The following HOXA2 variants were observed in gnomAD, a reference collection of about 807,000 sequenced individuals.
HOXA2 encodes the protein homeobox A2.
Under a neutral mutation model 27.2 loss-of-function variants are expected in HOXA2, and 4 were observed. That is an observed-to-expected ratio of 0.15 (90% CI 0.07 to 0.34). The LOEUF (loss-of-function observed/expected upper bound fraction) is 0.34. Among genes scored for constraint, HOXA2 ranks in the 10% least tolerant of loss-of-function variants. The probability of loss-of-function intolerance (pLI) is 1.00; values close to 1 mark genes in which losing one functional copy is unlikely to be tolerated. For synonymous variants in HOXA2, 200 were observed against 202.8 expected (o/e 0.99, Z 0.12); for missense variants, 430 against 473.2 (o/e 0.91, Z 0.85).
Position 27,100,632 on chromosome 7 carries a change from A to G in HOXA2, c.*94T>C. On this transcript the variant is annotated 3_prime_UTR_variant, in exon 2 of 2. Coordinates refer to ENST00000222718, the MANE Select transcript of HOXA2 (RefSeq NM_006735.4). ...AAAGGAGGGAAGGGGTAGGTCAAGAAGAAAATAAAAAATAAACTCCCAAAT... is the reference window on the plus strand; with the variant it reads ...AAAGGAGGGAAGGGGTAGGTCAAGAGGAAAATAAAAAATAAACTCCCAAAT... 7.1e-7 allele frequency: 1 copy of G among 1,403,142 alleles called. No individual in the cohort carries two copies. The highest frequency in any genetic ancestry group is 1.0e-6 in the Non-Finnish European group (1 of 995,422). 86.9% of individuals were successfully genotyped at this position (1,403,142 alleles called of 1,614,324 possible). A position where few individuals can be genotyped will look rare whatever the true frequency, so the allele number is the denominator to read the frequency against.
Position 27,100,687 on chromosome 7 carries a change from A to T in HOXA2, c.*39T>A. 6.2e-7 allele frequency: 1 copy of T among 1,611,590 alleles called. No homozygotes were observed. Among genetic ancestry groups the T allele is most frequent in the Non-Finnish European group, 8.5e-7 (1 of 1,178,182 alleles). On this transcript the variant is annotated 3_prime_UTR_variant, in exon 2 of 2. Coordinates refer to ENST00000222718, the MANE Select transcript of HOXA2 (RefSeq NM_006735.4). ...GAAGGCAAAACCACCTGGTCAAAGG[A>T]GTTTTTGTTTGGTGATGCTTTGTTT...
In HOXA2 at chr7:27,100,869, T is replaced by C. The variant is rs745712033; in HGVS notation, c.988A>G (p.Thr330Ala). ...PSLQDFSVFSTDSCLQLSDAV... is the reference protein window; with the variant it reads ...PSLQDFSVFSADSCLQLSDAV... ...TCTGAAAGCTGCAGGCAGGAATCTG[T>C]GGAGAAAACGCTAAAGTCCTGCAAA... The change falls in exon 2 of 2, where the codon ACA becomes GCA. Residue 330 changes from threonine (T) to alanine (A), a missense_variant. Thr to Ala is a moderately conservative substitution (Grantham distance 58). Transcript: ENST00000222718. 22 of 1,614,106 alleles carry C rather than the reference T, an allele frequency of 1.4e-5. No individual in the cohort carries two copies. The highest frequency in any genetic ancestry group is 1.8e-5 in the Non-Finnish European group (21 of 1,180,050).
Position 27,102,676 on chromosome 7 carries a change from A to C in HOXA2, c.-176T>G. 1.6e-6 allele frequency: 1 copy of C among 611,676 alleles called. No individual in the cohort carries two copies. Among genetic ancestry groups the C allele is most frequent in the South Asian group, 1.9e-5 (1 of 51,808 alleles). 37.9% of individuals were successfully genotyped at this position (611,676 alleles called of 1,614,324 possible). A position where few individuals can be genotyped will look rare whatever the true frequency, so the allele number is the denominator to read the frequency against. On this transcript the variant is annotated 5_prime_UTR_variant, in exon 1 of 2. Transcript: ENST00000222718. The surrounding 1 kb of genome is among the most constrained non-coding windows in gnomAD (Gnocchi z 4.6). Reference sequence around the variant, plus strand: ...ACAGCCGTATGGGGACCGCGCTACTATTAAACTATTGAATTCATGGAGACA... The same window carrying C: ...ACAGCCGTATGGGGACCGCGCTACTCTTAAACTATTGAATTCATGGAGACA...
In HOXA2 at chr7:27,102,607, A is replaced by T; in HGVS notation, c.-107T>A. The stretch of plus-strand genomic sequence containing the variant: ...GAGCGCAGAGGAAAAAAAATCTATC[A>T]TAGAATATCGCTGCTAGGGTGTTTT... On this transcript the variant is annotated 5_prime_UTR_variant, in exon 1 of 2. An upstream start codon of the reference 5' UTR is lost. Coordinates refer to ENST00000222718, the MANE Select transcript of HOXA2 (RefSeq NM_006735.4). This position sits in a 1 kb window ranked among gnomAD's most constrained non-coding sequence, Gnocchi z 4.6. 9.3e-7 allele frequency: 1 copy of T among 1,080,100 alleles called. No homozygotes were observed. The highest frequency in any genetic ancestry group is 1.4e-6 in the Non-Finnish European group (1 of 721,900). The allele number at this position is 1,080,100 out of a possible 1,614,324, so 66.9% of individuals were successfully genotyped here. A position where few individuals can be genotyped will look rare whatever the true frequency, so the allele number is the denominator to read the frequency against.
Position 27,102,414 on chromosome 7 carries a change from A to G in HOXA2, c.87T>C (p.Ala29=), listed in dbSNP as rs1327293289. Residue 29 remains alanine (A), a synonymous_variant, in exon 1 of 2, where the codon GCT becomes GCC. Transcript: ENST00000222718. The surrounding 1 kb of genome is among the most constrained non-coding windows in gnomAD (Gnocchi z 4.6). ...AECLTSFPPV[A]DTFQSSSIKT... is the part of the protein sequence containing the mutation. ...TGATTGATGAACTTTGAAATGTATC[A>G]GCGACAGGGGGAAAAGATGTCAGGC... 6.2e-7 allele frequency: 1 copy of G among 1,614,152 alleles called. No individual in the cohort carries two copies.
rs748552806 is a variant in HOXA2, at chr7:27,102,149, TGGCGGC to T, written c.346_351del (p.Ala116_Ala117del). ...CAAGCAGGGCCGGTGGCTGCGGCGG[TGGCGGC>T]GGCGGCGGCGGCCGGCAGAAGTGCG... On this transcript the variant is annotated inframe_deletion, in exon 1 of 2. Coordinates refer to ENST00000222718, the MANE Select transcript of HOXA2 (RefSeq NM_006735.4). This position sits in a 1 kb window ranked among gnomAD's most constrained non-coding sequence, Gnocchi z 4.6. The T allele has an allele frequency of 7.5e-6, 12 of 1,590,732 alleles. No homozygotes were observed. Among genetic ancestry groups the T allele is most frequent in the African/African-American group, 5.4e-5 (4 of 74,512 alleles).
In HOXA2 at chr7:27,102,324, C is replaced by T; in HGVS notation, c.177G>A (p.Leu59=). 6.2e-7 allele frequency: 1 copy of T among 1,613,646 alleles called. No homozygotes were observed. Among genetic ancestry groups the T allele is most frequent in the Middle Eastern group, 1.7e-4 (1 of 6,052 alleles). Residue 59 remains leucine, a synonymous_variant, in exon 1 of 2, where the codon CTG becomes CTA. Transcript: ENST00000222718. This position sits in a 1 kb window ranked among gnomAD's most constrained non-coding sequence, Gnocchi z 4.6. ...PPPFEQTIPS[L]NPGSHPRHGA... ...CGTGGCGAGGGTGACTGCCGGGGTT[C>T]AGGCTGGGAATGGTCTGCTCAAAAG...
rs1242700084 is a variant in HOXA2, at chr7:27,100,912, C to T, written c.945G>A (p.Glu315=). 3 of 1,614,102 alleles carry T rather than the reference C, an allele frequency of 1.9e-6. No homozygotes were observed. Among genetic ancestry groups the T allele is most frequent in the Admixed American group, 1.7e-5 (1 of 60,012 alleles). The change falls in exon 2 of 2, where the codon GAG becomes GAA. Residue 315 remains glutamate (E), a synonymous_variant. Transcript: ENST00000222718. ...CCTGCAAAGAGGGGACCTCAAGGGC[C>T]TCAGGACTGTCATTGTTTAGGCCAG... ...CGAGLNNDSP[E]ALEVPSLQDF...
chr7:27,102,261 G>A lies in HOXA2; in HGVS notation c.240C>T (p.Ser80=). ...GGRPKPSPAG[S]RGSPVPAGAL... ...CGCCGGCGGGCACCGGGCTGCCGCG[G>A]CTGCCCGCGGGGCTCGGCTTGGGGC... is the stretch of plus-strand genomic sequence containing the variant. Residue 80 remains serine, a synonymous_variant, in exon 1 of 2, where the codon AGC becomes AGT. Coordinates refer to ENST00000222718, the MANE Select transcript of HOXA2 (RefSeq NM_006735.4). The surrounding 1 kb of genome is among the most constrained non-coding windows in gnomAD (Gnocchi z 4.6). 6.6e-7 allele frequency: 1 copy of A among 1,517,248 alleles called. No homozygotes were observed. Among genetic ancestry groups the A allele is most frequent in the East Asian group, 2.7e-5 (1 of 37,622 alleles). The allele number at this position is 1,517,248 out of a possible 1,614,324, so 94.0% of individuals were successfully genotyped here.
Position 27,101,016 on chromosome 7 carries a change from C to T in HOXA2, c.841G>A (p.Glu281Lys). ...TGCTGAAAATGTTTCAGATTTTTCT[C>T]ATTGCTGGTTAAAGGCGAGACTGGG... ...SFPVSPLTSN[E>K]KNLKHFQHQS... is the part of the protein sequence containing the mutation. The change falls in exon 2 of 2, where the codon GAG becomes AAG. Residue 281 changes from glutamate (E) to lysine (K), a missense_variant. Glu to Lys is a moderately conservative substitution (Grantham distance 56). This residue lies in a region of HOXA2 where 236 missense variants were observed against 208.5 expected (regional missense o/e 1.13). Coordinates refer to ENST00000222718, the MANE Select transcript of HOXA2 (RefSeq NM_006735.4). 2 of 1,614,192 alleles carry T rather than the reference C, an allele frequency of 1.2e-6. No individual in the cohort carries two copies. The highest frequency in any genetic ancestry group is 1.7e-6 in the Non-Finnish European group (2 of 1,180,034).
chr7:27,101,843 C>G, intron 1 of HOXA2: 1 of 704,386 alleles, frequency 1.4e-6, no homozygotes, highest in Non-Finnish European at 2.6e-6. Flanking sequence ...AGTTCCAACT[C>G]AAATAAATCA....
rs937593347 is a variant in HOXA2, at chr7:27,100,404, A to C, written c.*322T>G. On this transcript the variant is annotated 3_prime_UTR_variant, in exon 2 of 2. Transcript: ENST00000222718. ...CTACAAAAAATATGCATGACAATGC[A>C]TCCCAATGTAATACAAAAATAAAAA... 1.7e-5 allele frequency: 5 copies of C among 296,942 alleles called. No individual in the cohort carries two copies. Among genetic ancestry groups the C allele is most frequent in the Non-Finnish European group, 3.2e-5 (5 of 157,194 alleles). The allele number at this position is 296,942 out of a possible 1,614,324, so 18.4% of individuals were successfully genotyped here.
At position 27,100,707 on chromosome 7, in the gene HOXA2, T is replaced by A; in HGVS notation, c.*19A>T. 1.2e-6 allele frequency: 2 copies of A among 1,613,840 alleles called. No homozygotes were observed. Among genetic ancestry groups the A allele is most frequent in the Non-Finnish European group, 1.7e-6 (2 of 1,179,950 alleles). ...AAAGGAGTTTTTGTTTGGTGATGCT[T>A]TGTTTTGCTTTAATGTTTTTAGTAA... On this transcript the variant is annotated 3_prime_UTR_variant, in exon 2 of 2. Transcript: ENST00000222718.
chr7:27,102,593 A>G lies in HOXA2; in HGVS notation c.-93T>C, dbSNP rs925989239. 14 of 1,245,684 alleles carry G rather than the reference A, an allele frequency of 1.1e-5. No homozygotes were observed. The highest frequency in any genetic ancestry group is 2.5e-4 in the Middle Eastern group (1 of 4,062). 77.2% of individuals were successfully genotyped at this position (1,245,684 alleles called of 1,614,324 possible). A position where few individuals can be genotyped will look rare whatever the true frequency, so the allele number is the denominator to read the frequency against. On this transcript the variant is annotated 5_prime_UTR_variant, in exon 1 of 2. Transcript: ENST00000222718. This position sits in a 1 kb window ranked among gnomAD's most constrained non-coding sequence, Gnocchi z 4.6. ...CCTAGGAAAAAGGCGAGCGCAGAGG[A>G]AAAAAAATCTATCATAGAATATCGC... is the stretch of plus-strand genomic sequence containing the variant.
Position 27,102,134 on chromosome 7 carries a change from C to G in HOXA2, c.367G>C (p.Gly123Arg), listed in dbSNP as rs758981616. Residue 123 changes from glycine (G) to arginine (R), a missense_variant, in exon 1 of 2, where the codon GGC becomes CGC. Coordinates refer to ENST00000222718, the MANE Select transcript of HOXA2 (RefSeq NM_006735.4). This position sits in a 1 kb window ranked among gnomAD's most constrained non-coding sequence, Gnocchi z 4.6. Reference protein sequence around the residue: ...AAAAATAAATGPACLSHKESL... With the variant: ...AAAAATAAATRPACLSHKESL... The stretch of plus-strand genomic sequence containing the variant: ...CCTTTGTGGCTGAGGCAAGCAGGGC[C>G]GGTGGCTGCGGCGGTGGCGGCGGCG... 1.3e-6 allele frequency: 2 copies of G among 1,599,258 alleles called. No individual in the cohort carries two copies. The highest frequency in any genetic ancestry group is 1.3e-5 in the African/African-American group (1 of 74,762).
rs1783915747 is a variant in HOXA2, at chr7:27,100,985, G to A, written c.872C>T (p.Ser291Leu). Residue 291 changes from serine to leucine, a missense_variant, in exon 2 of 2, where the codon TCA becomes TTA. Transcript: ENST00000222718. ...EKNLKHFQHQ[S>L]PTVPNCLSTM... ...TGACAAGCAGTTGGGAACAGTGGGT[G>A]ACTGGTGCTGAAAATGTTTCAGATT... 2 of 1,614,112 alleles carry A rather than the reference G, an allele frequency of 1.2e-6. No individual in the cohort carries two copies. The highest frequency in any genetic ancestry group is 2.7e-5 in the African/African-American group (2 of 74,934).
Position 27,100,866 on chromosome 7 carries a change from CTG to C in HOXA2, c.989_990del (p.Thr330ArgfsTer27), listed in dbSNP as rs2128034824. The C allele has an allele frequency of 3.1e-6, 5 of 1,614,230 alleles. No individual in the cohort carries two copies. Among genetic ancestry groups the C allele is most frequent in the Non-Finnish European group, 4.2e-6 (5 of 1,180,044 alleles). On this transcript the variant is annotated frameshift_variant, in exon 2 of 2. Transcript: ENST00000222718. Reference protein sequence around the residue: ...PSLQDFSVFSTDSCLQLSDAV... With the variant: ...PSLQDFSVFSXDSCLQLSDAV... ...GCATCTGAAAGCTGCAGGCAGGAATCTGTGGAGAAAACGCTAAAGTCCTGCAA... is the reference window on the plus strand; with the variant it reads ...GCATCTGAAAGCTGCAGGCAGGAATCTGGAGAAAACGCTAAAGTCCTGCAA...
Position 27,101,349 on chromosome 7 carries a change from T to C in HOXA2, c.508A>G (p.Arg170Gly). 2 of 1,613,478 alleles carry C rather than the reference T, an allele frequency of 1.2e-6. No homozygotes were observed. The highest frequency in any genetic ancestry group is 2.2e-5 in the East Asian group (1 of 44,886). The change falls in exon 2 of 2, where the codon AGA (arginine) becomes GGA (glycine). Residue 170 changes from arginine to glycine, a missense_variant. Physicochemically the swap from Arg to Gly is moderately radical, Grantham distance 125. This residue lies in a region of HOXA2 where 26 missense variants were observed against 41.0 expected (regional missense o/e 0.63). Transcript: ENST00000222718. ...KEFHFNKYLC[R>G]PRRVEIAALL... ...GCTGCAATCTCCACCCTTCGGGGTC[T>C]GCAAAGGTACTTGTTGAAATGAAAT...
In HOXA2 at chr7:27,101,449, G is replaced by C; in HGVS notation, c.408C>G (p.Ala136=). The change falls in exon 2 of 2, where the codon GCC becomes GCG. Residue 136 remains alanine, a synonymous_variant. Coordinates refer to ENST00000222718, the MANE Select transcript of HOXA2 (RefSeq NM_006735.4). ...CLSHKESLEI[A]DGSGGGSRRL... ...GCCGCGATCCCCCGCCGCTGCCATC[G>C]GCGATTTCCAGGGATTCTGCGGAAA... is the stretch of plus-strand genomic sequence containing the variant. 1 of 1,600,404 alleles carries C rather than the reference G, an allele frequency of 6.2e-7. No individual in the cohort carries two copies. The highest frequency in any genetic ancestry group is 1.1e-5 in the South Asian group (1 of 91,066).
Sources: allele counts gnomAD v4.1 joint callset, GRCh38; gene constraint gnomAD v4.1.1; regional missense constraint gnomAD v4.1.1; non-coding constraint Gnocchi (gnomAD v3.1); transcripts MANE v1.5; gene names NCBI Gene and HGNC (gene_info 2026-07-23, HGNC 2026-07-21).